LIN52: variants seen among roughly 807,000 people sequenced by gnomAD.
The protein encoded by LIN52 is protein lin-52 homolog.
A neutral mutation model predicts 18.5 loss-of-function variants in LIN52; 4 were observed. That is an observed-to-expected ratio of 0.22 (90% CI 0.11 to 0.49). LIN52 has a LOEUF of 0.49. Among genes scored for constraint, LIN52 ranks in the 20% least tolerant of loss-of-function variants. The pLI is 0.97. For missense variants in LIN52, 102 were observed against 139.5 expected (o/e 0.73, Z 1.35); for synonymous variants, 34 against 45.5 (o/e 0.75, Z 1.02).
At chr14:74,167,387 G>A (rs2061254369) in intron 5 of LIN52, among the ~76,000 whole-genome samples, 1 of 152,080 alleles carries the variant, frequency 6.6e-6, no homozygotes, top group African/African-American at 2.4e-5. Context: ...TAGCATCAAG[G>A]AAGATATAAG....
At chr14:74,124,600 C>G (rs987505308) in intron 5 of LIN52, among the ~76,000 whole-genome samples, 2 of 151,944 alleles carry the variant, frequency 1.3e-5, no homozygotes, top group African/African-American at 4.8e-5. Flanking sequence ...TGCTTGAGCT[C>G]AGGAGTTTGA....
intron 5 of LIN52, among the ~76,000 whole-genome samples, chr14:74,104,921 A>G (rs536398379): frequency 1.3e-5 from 2 of 152,174 alleles, no homozygotes; most frequent in Non-Finnish European, 2.9e-5. Context: ...CTTTGATCAC[A>G]GTCTAGATTT....
intron 5 of LIN52, among the ~76,000 whole-genome samples, chr14:74,111,667 A>G (rs1008636241): frequency 5.3e-5 from 8 of 149,784 alleles, no homozygotes; most frequent in African/African-American, 1.7e-4. Context: ...GGCTGACATC[A>G]GAATTATTTG....
Position 74,178,476 on chromosome 14 carries a change from G to A in LIN52, c.284-20446G>A, listed in dbSNP as rs933828336. Among the ~76,000 whole-genome samples the A allele has an allele frequency of 4.0e-3, 413 of 103,086 alleles. 2 individuals are homozygous for A. The highest frequency in any genetic ancestry group is 0.011 in the Middle Eastern group (2 of 186). 67.6% of individuals were successfully genotyped at this position (103,086 alleles called of 152,430 possible). ...ATTAAAATAATTTTTTTTTTTTTTT[G>A]CGACAGATTCTTGCTCTGTCGCCCA... On this transcript the variant is annotated intron_variant, in intron 5 of 5. Coordinates refer to ENST00000555028, the MANE Select transcript of LIN52 (RefSeq NM_001024674.3).
intron 5 of LIN52, among the ~76,000 whole-genome samples, chr14:74,166,319 C>A (rs1180048538): frequency 1.3e-5 from 2 of 152,260 alleles, no homozygotes; most frequent in African/African-American, 4.8e-5. Context: ...TGACTTCAAG[C>A]GATTCTCCTG....
intron 5 of LIN52, among the ~76,000 whole-genome samples, chr14:74,194,602 A>G (rs982123005): frequency 4.0e-4 from 61 of 152,092 alleles, no homozygotes; most frequent in African/African-American, 1.4e-3. Flanking sequence ...CCCTCTCCAC[A>G]CTCTGCAGCA....
At chr14:74,106,457 A>G (rs1386295930) in intron 5 of LIN52, among the ~76,000 whole-genome samples, 1 of 152,142 alleles carries the variant, frequency 6.6e-6, no homozygotes, top group African/African-American at 2.4e-5. Context: ...TATTTTGTAG[A>G]GACGAGGTCT....
intron 1 of LIN52, among the ~76,000 whole-genome samples, chr14:74,089,809 G>T (rs2060760211): frequency 6.6e-6 from 1 of 152,114 alleles, no homozygotes; most frequent in South Asian, 2.1e-4. Flanking sequence ...AAGTCCTCAT[G>T]TTGAAATAGG....
intron 5 of LIN52, among the ~76,000 whole-genome samples, chr14:74,175,745 CA>C (rs755861156): frequency 0.14 from 20,667 of 142,896 alleles, 1,777 homozygotes; most frequent in Non-Finnish European, 0.2. Flanking sequence ...CACACACACA[CA>C]CACACCCCCA....
In LIN52 at chr14:74,090,889, G is replaced by T. The variant is rs533752482; in HGVS notation, c.20-343G>T. Among the ~76,000 whole-genome samples, 37 of 152,272 alleles carry T rather than the reference G, an allele frequency of 2.4e-4. No homozygotes were observed. The South Asian group carries it at 6.6e-3, about 27-fold the overall frequency. On this transcript the variant is annotated intron_variant, in intron 1 of 5. Transcript: ENST00000555028. ...AAAGCAAGAGAAGATGGCATCTAGA[G>T]TGCTATCAGAAGAGTCTGTTTCATG...
At position 74,121,747 on chromosome 14, in the gene LIN52, G is replaced by A. The variant is rs186276699; in HGVS notation, c.283+20509G>A. Among the ~76,000 whole-genome samples, 416 of 148,788 alleles carry A rather than the reference G, an allele frequency of 2.8e-3. 1 individual carries two copies. The highest frequency in any genetic ancestry group is 6.9e-3 in the Middle Eastern group (2 of 288). ...TTTCTTTTTTTTTTTTTTTTAAGAC[G>A]GAGTCTCACTCCGTCACCCAGGCTG... On this transcript the variant is annotated intron_variant, in intron 5 of 5. Coordinates refer to ENST00000555028, the MANE Select transcript of LIN52 (RefSeq NM_001024674.3).
At chr14:74,195,887 T>C (rs940524916) in intron 5 of LIN52, among the ~76,000 whole-genome samples, 4 of 152,158 alleles carry the variant, frequency 2.6e-5, no homozygotes, top group African/African-American at 9.7e-5. Flanking sequence ...TAATCAGAAA[T>C]GTTAACATCT....
intron 5 of LIN52, among the ~76,000 whole-genome samples, chr14:74,154,216 C>CT (rs1285020897): frequency 6.6e-6 from 1 of 151,872 alleles, no homozygotes; most frequent in Non-Finnish European, 1.5e-5. Context: ...GTTTCTCAGA[C>CT]TTTCCTTGTT....
rs138345568 is a variant in LIN52, at chr14:74,139,059, C to T, written c.283+37821C>T. ...TTCCATCCTAAATATACTTTATACA[C>T]GCTAGAGCTCTAGCCATCATGCCTG... On this transcript the variant is annotated intron_variant, in intron 5 of 5. Coordinates refer to ENST00000555028, the MANE Select transcript of LIN52 (RefSeq NM_001024674.3). Among the ~76,000 whole-genome samples, 3 of 151,808 alleles carry T rather than the reference C, an allele frequency of 2.0e-5. 1 individual carries two copies. Among genetic ancestry groups the T allele is most frequent in the South Asian group, 2.1e-4 (1 of 4,810 alleles).
chr14:74,085,114 A>T (rs937556564), intron 1 of LIN52, 121 bp downstream of exon 1: 1 of 999,648 alleles, frequency 1.0e-6, no homozygotes. Context: ...TTTCCCTTTT[A>T]TTTTTTTTCT....
intron 5 of LIN52, chr14:74,114,041 T>G (rs1482318181): frequency 1.5e-5 from 7 of 481,496 alleles, no homozygotes; most frequent in Non-Finnish European, 1.3e-5. Context: ...AGTGCAATGG[T>G]GTGATCTTGG....
At chr14:74,120,038 G>T (rs2060990526) in intron 5 of LIN52, among the ~76,000 whole-genome samples, 1 of 151,794 alleles carries the variant, frequency 6.6e-6, no homozygotes, top group Non-Finnish European at 1.5e-5. Flanking sequence ...GTTTCACCAT[G>T]TTGGCCAGGC....
intron 5 of LIN52, among the ~76,000 whole-genome samples, chr14:74,162,539 T>G (rs941405692): frequency 2.0e-5 from 3 of 151,540 alleles, no homozygotes; most frequent in Non-Finnish European, 4.4e-5. Flanking sequence ...TTTCTTACTT[T>G]CCTTATTTAT....
chr14:74,111,402 G>T (rs1429729790), intron 5 of LIN52, among the ~76,000 whole-genome samples: 1 of 151,204 alleles, frequency 6.6e-6, no homozygotes, highest in Admixed American at 6.6e-5. Flanking sequence ...AATCCTCCCA[G>T]CCCAGCCTCT....
Sources: gnomAD v4.1 joint callset for allele counts (sites outside exome capture counted in the v4.1 genomes callset) on GRCh38, gnomAD v4.1.1 for gene constraint, MANE v1.5 for transcripts, NCBI Gene and HGNC (gene_info 2026-07-23, HGNC 2026-07-21) for gene names.